Variants in SH3PXD2A observed in about 807,000 individuals in gnomAD.
SH3PXD2A encodes the protein SH3 and PX domain-containing protein 2A.
A neutral mutation model predicts 115.2 loss-of-function variants in SH3PXD2A; 32 were observed. That is an observed-to-expected ratio of 0.28 (90% CI 0.21 to 0.37). The LOEUF (loss-of-function observed/expected upper bound fraction) is 0.37, where lower values mean the gene tolerates loss of function less well. SH3PXD2A is among the 10% of genes least tolerant of loss of function. The probability of loss-of-function intolerance (pLI) is 1.00; values close to 1 mark genes in which losing one functional copy is unlikely to be tolerated. For missense variants in SH3PXD2A, 1,328 were observed against 1,498.7 expected (o/e 0.89, Z 1.88); for synonymous variants, 610 against 629.1 (o/e 0.97, Z 0.45).
At position 103,603,404 on chromosome 10, in the gene SH3PXD2A, AC is replaced by A; in HGVS notation, c.1813del (p.Val605TrpfsTer48). 6.2e-7 allele frequency: 1 copy of A among 1,614,028 alleles called. No individual in the cohort carries two copies. The highest frequency in any genetic ancestry group is 8.5e-7 in the Non-Finnish European group (1 of 1,179,996). On this transcript the variant is annotated frameshift_variant, in exon 15 of 15. Coordinates refer to ENST00000369774, the MANE Select transcript of SH3PXD2A (RefSeq NM_001394015.1). LOFTEE classifies it high-confidence loss of function. ...GGCCACATCCTCTGAAGACTCACCC[AC>A]CTTGAAGCGGGCCCGCTGCAGAGAA... is the stretch of plus-strand genomic sequence containing the variant. ...ASSLQRARFKVGESSEDVALE... is the reference protein window; with the variant it reads ...ASSLQRARFKXGESSEDVALE...
At chr10:103,842,970 G>A (rs1282419184) in intron 1 of SH3PXD2A, among the ~76,000 whole-genome samples, 2 of 152,100 alleles carry the variant, frequency 1.3e-5, no homozygotes, top group African/African-American at 2.4e-5. Context: ...ATAAAAATTC[G>A]TAGACTGGAA....
chr10:103,643,633 C>T (rs2036988246), intron 8 of SH3PXD2A, among the ~76,000 whole-genome samples: 1 of 152,302 alleles, frequency 6.6e-6, no homozygotes, highest in South Asian at 2.1e-4. Context: ...CAGATGTTAA[C>T]AGCACAGGAG....
rs1315875938 is a variant in SH3PXD2A at position 103,598,058 on chromosome 10, A to G, written c.*3758T>C. The stretch of plus-strand genomic sequence containing the variant: ...GTAACATGCCTTGCTGAGGAAAGCA[A>G]TGGATATAAATGCCTGTAAAATACG... On this transcript the variant is annotated 3_prime_UTR_variant, in exon 15 of 15. Transcript: ENST00000369774. 1.3e-5 allele frequency: 2 copies of G among 152,684 alleles called. No homozygotes were observed. The highest frequency in any genetic ancestry group is 1.5e-5 in the Non-Finnish European group (1 of 68,046). 9.5% of individuals were successfully genotyped at this position (152,684 alleles called of 1,614,324 possible). A position where few individuals can be genotyped will look rare whatever the true frequency, so the allele number is the denominator to read the frequency against.
chr10:103,676,732 T>C (rs1476140207), intron 6 of SH3PXD2A, among the ~76,000 whole-genome samples: 1 of 152,090 alleles, frequency 6.6e-6, no homozygotes, highest in Admixed American at 6.5e-5. Flanking sequence ...TGGCAGCCCC[T>C]TGGGTTGCGG....
At chr10:103,792,919 G>A (rs955638477) in intron 2 of SH3PXD2A, among the ~76,000 whole-genome samples, 2 of 152,118 alleles carry the variant, frequency 1.3e-5, no homozygotes, top group African/African-American at 4.8e-5. Context: ...TAGAATGATG[G>A]TCCAGGAAAT....
At chr10:103,678,192 C>T (rs1176349337) in intron 6 of SH3PXD2A, 4 of 1,284,394 alleles carry the variant, frequency 3.1e-6, no homozygotes, top group East Asian at 5.6e-5. Context: ...GTGCAGCCTC[C>T]CATGGTGTTT....
intron 3 of SH3PXD2A, chr10:103,745,849 T>C (rs899603118): frequency 1.3e-5 from 2 of 152,218 alleles, no homozygotes; most frequent in African/African-American, 4.8e-5. Flanking sequence ...CGTGACACAA[T>C]GGCAAGGAGG....
At chr10:103,605,698 TGC>T (rs2036290035) in intron 14 of SH3PXD2A, 98 bp downstream of exon 14, 11 of 1,439,142 alleles carry the variant, frequency 7.6e-6, no homozygotes, top group Non-Finnish European at 1.1e-5. Flanking sequence ...CCTGCCTGCC[TGC>T]CCCTCAGGAA....
At position 103,597,643 on chromosome 10, in the gene SH3PXD2A, C is replaced by A; in HGVS notation, c.*4173G>T. 1 of 152,658 alleles carries A rather than the reference C, an allele frequency of 6.6e-6. No homozygotes were observed. Among genetic ancestry groups the A allele is most frequent in the East Asian group, 1.9e-4 (1 of 5,190 alleles). The allele number at this position is 152,658 out of a possible 1,614,324, so 9.5% of individuals were successfully genotyped here. On this transcript the variant is annotated 3_prime_UTR_variant, in exon 15 of 15. Transcript: ENST00000369774. The stretch of plus-strand genomic sequence containing the variant: ...AACTCCACCAACCCACCCACCTGTT[C>A]CACAGCTAGGATTCCTTCAGCACCC...
chr10:103,633,394 T>C (rs533838763), intron 8 of SH3PXD2A, among the ~76,000 whole-genome samples: 2 of 147,752 alleles, frequency 1.4e-5, no homozygotes, highest in South Asian at 2.2e-4. Context: ...CCAGCCTGGG[T>C]GACAGAGTGA....
intron 3 of SH3PXD2A, among the ~76,000 whole-genome samples, chr10:103,763,538 T>C (rs2038722551): frequency 1.3e-5 from 2 of 152,218 alleles, no homozygotes; most frequent in Admixed American, 1.3e-4. Context: ...GCTGAGTCAC[T>C]GCTGCTGGGG....
chr10:103,815,970 G>A (rs1259917920), intron 1 of SH3PXD2A, among the ~76,000 whole-genome samples: 1 of 152,110 alleles, frequency 6.6e-6, no homozygotes, highest in South Asian at 2.1e-4. Context: ...TAGAAGCAGA[G>A]AAGAGAAGGG....
At chr10:103,690,239 G>T (rs2037733366) in intron 6 of SH3PXD2A, among the ~76,000 whole-genome samples, 1 of 152,042 alleles carries the variant, frequency 6.6e-6, no homozygotes, top group Admixed American at 6.6e-5. Flanking sequence ...GCACTTCCAG[G>T]GGAGCTTTCT....
chr10:103,694,236 C>T (rs1046640743), intron 5 of SH3PXD2A, among the ~76,000 whole-genome samples: 1 of 146,510 alleles, frequency 6.8e-6, no homozygotes, highest in Non-Finnish European at 1.5e-5. Flanking sequence ...CATCTTTGGT[C>T]GAAGCAAACT....
At chr10:103,723,312 C>T (rs1041548261) in intron 5 of SH3PXD2A, among the ~76,000 whole-genome samples, 1 of 152,184 alleles carries the variant, frequency 6.6e-6, no homozygotes, top group Non-Finnish European at 1.5e-5. Flanking sequence ...CCCCTTAAGT[C>T]CTCTCCCCAA....
chr10:103,610,456 A>C (rs2133926814), intron 13 of SH3PXD2A, among the ~76,000 whole-genome samples: 2 of 152,340 alleles, frequency 1.3e-5, no homozygotes, highest in South Asian at 4.1e-4. Flanking sequence ...TGGGTGTGTA[A>C]AACTCAGGAG....
At chr10:103,781,356 C>T (rs540267940) in intron 2 of SH3PXD2A, among the ~76,000 whole-genome samples, 1 of 152,326 alleles carries the variant, frequency 6.6e-6, no homozygotes, top group Admixed American at 6.5e-5. Context: ...TTCATATTCT[C>T]TCTTCCTTTG....
chr10:103,653,075 C>T (rs2134028204), intron 8 of SH3PXD2A, among the ~76,000 whole-genome samples: 2 of 152,322 alleles, frequency 1.3e-5, no homozygotes, highest in South Asian at 4.1e-4. Flanking sequence ...CTCCCTGCTG[C>T]TGACGTCTCC....
At chr10:103,686,939 G>T (rs1730490645) in intron 6 of SH3PXD2A, among the ~76,000 whole-genome samples, 1 of 151,966 alleles carries the variant, frequency 6.6e-6, no homozygotes, top group Non-Finnish European at 1.5e-5. Context: ...GTAGAGACGG[G>T]GTTTTGCCAT....
Sources: gnomAD v4.1 joint callset for allele counts (sites outside exome capture counted in the v4.1 genomes callset) on GRCh38, gnomAD v4.1.1 for gene constraint, MANE v1.5 for transcripts, NCBI Gene and HGNC (gene_info 2026-07-23, HGNC 2026-07-21) for gene names.